Variants in ITSN1 observed in about 807,000 individuals in gnomAD.
ITSN1 encodes intersectin-1.
A neutral mutation model predicts 239.8 loss-of-function variants in ITSN1; 58 were observed. The observed-to-expected ratio is 0.24, with a 90% CI of 0.20 to 0.30. ITSN1 has a LOEUF of 0.30. Among genes scored for constraint, ITSN1 ranks in the 10% least tolerant of loss-of-function variants. The pLI is 1.00. For missense variants in ITSN1, 1,558 were observed against 2,103.3 expected (o/e 0.74, Z 5.07); for synonymous variants, 780 against 770.8 (o/e 1.01, Z -0.20).
intron 1 of ITSN1, among the ~76,000 whole-genome samples, chr21:33,686,034 A>G (rs940610276): frequency 3.3e-5 from 5 of 152,200 alleles, no homozygotes; most frequent in Non-Finnish European, 7.3e-5. Flanking sequence ...GTTCACATTT[A>G]TATTTTGCTT....
rs1006817179 is a variant in ITSN1, at chr21:33,819,389, A to C, written c.3016+66A>C. On this transcript the variant is annotated intron_variant, in intron 24 of 39. Coordinates refer to ENST00000381318, the MANE Select transcript of ITSN1 (RefSeq NM_003024.3). ...GGACATTGTGTAAATGTTTGAAATG[A>C]GATTGAATTTCATCTTAAGATAGAC... The C allele has an allele frequency of 1.1e-4, 128 of 1,159,620 alleles. 1 individual carries two copies. Among genetic ancestry groups the C allele is most frequent in the Non-Finnish European group, 1.6e-4 (124 of 778,226 alleles). 71.8% of individuals were successfully genotyped at this position (1,159,620 alleles called of 1,614,324 possible). A position where few individuals can be genotyped will look rare whatever the true frequency, so the allele number is the denominator to read the frequency against.
At chr21:33,710,245 AT>A (rs1196958790) in intron 1 of ITSN1, among the ~76,000 whole-genome samples, 1 of 151,578 alleles carries the variant, frequency 6.6e-6, no homozygotes. Flanking sequence ...CGCCTGGCTA[AT>A]TTTTTGTATT....
At chr21:33,854,153 C>T (rs924291994) in intron 29 of ITSN1, among the ~76,000 whole-genome samples, 3 of 152,236 alleles carry the variant, frequency 2.0e-5, no homozygotes, top group Admixed American at 6.5e-5. Flanking sequence ...CACATGTATT[C>T]GCTGCAGCAA....
chr21:33,672,734 A>G (rs113861883), intron 1 of ITSN1, among the ~76,000 whole-genome samples: 2 of 149,362 alleles, frequency 1.3e-5, no homozygotes, highest in Admixed American at 6.7e-5. Context: ...TTTTTTTGAG[A>G]CGGAGTCTCC....
rs2071845261 is a variant in ITSN1, at chr21:33,799,857, T to C, written c.2232T>C (p.Tyr744=). ...CACAGGAAAATGTAAAAGTGGTGTATTACCGGGCACTGTACCCCTTTGAAT... is the reference window on the plus strand; with the variant it reads ...CACAGGAAAATGTAAAAGTGGTGTACTACCGGGCACTGTACCCCTTTGAAT... ...ISAQENVKVV[Y]YRALYPFESR... The change falls in exon 19 of 40, where the codon TAT becomes TAC. Residue 744 remains tyrosine, a synonymous_variant. Coordinates refer to ENST00000381318, the MANE Select transcript of ITSN1 (RefSeq NM_003024.3). The C allele has an allele frequency of 4.3e-6, 7 of 1,613,888 alleles. No homozygotes were observed. In the Admixed American group the frequency reaches 1.0e-4, roughly 23 times the overall value.
chr21:33,684,098 T>C (rs1369874345), intron 1 of ITSN1, among the ~76,000 whole-genome samples: 1 of 152,214 alleles, frequency 6.6e-6, no homozygotes, highest in Non-Finnish European at 1.5e-5. Context: ...ATTTTTCCTG[T>C]TCCATTAAAG....
At chr21:33,837,586 G>A (rs2074665784) in intron 29 of ITSN1, 1 of 985,896 alleles carries the variant, frequency 1.0e-6, no homozygotes, top group Non-Finnish European at 1.2e-6. Context: ...CGTATAGAAT[G>A]AGCCCAATTA....
intron 39 of ITSN1, among the ~76,000 whole-genome samples, chr21:33,886,944 C>T (rs560431957): frequency 6.6e-6 from 1 of 152,102 alleles, no homozygotes; most frequent in African/African-American, 2.4e-5. Context: ...CTTCAGCCAG[C>T]CTTCTGTTTC....
Position 33,865,206 on chromosome 21 carries a change from GGA to G in ITSN1, c.3949_3950del (p.Asp1317HisfsTer32). The G allele has an allele frequency of 6.2e-7, 1 of 1,614,030 alleles. No homozygotes were observed. Among genetic ancestry groups the G allele is most frequent in the Non-Finnish European group, 8.5e-7 (1 of 1,179,976 alleles). ...GGAGAAGATGCCTGTGAAGATGATTGGAGACATCCTGAGCGCACAGCTGCCGC... is the reference window on the plus strand; with the variant it reads ...GGAGAAGATGCCTGTGAAGATGATTGGACATCCTGAGCGCACAGCTGCCGC... ...SGEKMPVKMIGDILSAQLPHM... is the reference protein window; with the variant it reads ...SGEKMPVKMIXDILSAQLPHM... On this transcript the variant is annotated frameshift_variant, in exon 32 of 40. Coordinates refer to ENST00000381318, the MANE Select transcript of ITSN1 (RefSeq NM_003024.3). LOFTEE classifies it high-confidence loss of function. This position sits in a 1 kb window ranked among gnomAD's most constrained non-coding sequence, Gnocchi z 4.4.
intron 1 of ITSN1, among the ~76,000 whole-genome samples, chr21:33,647,457 C>T (rs2088072801): frequency 6.6e-6 from 1 of 151,556 alleles, no homozygotes; most frequent in Non-Finnish European, 1.5e-5. Context: ...TTTTAGTAAC[C>T]AAATAATATT....
intron 11 of ITSN1, among the ~76,000 whole-genome samples, chr21:33,768,802 T>C (rs147142184): frequency 2.0e-5 from 3 of 152,362 alleles, no homozygotes; most frequent in African/African-American, 7.2e-5. Context: ...TCCCAGTTTA[T>C]TGTCTAAACT....
chr21:33,714,238 TG>T (rs2092503846), intron 1 of ITSN1, among the ~76,000 whole-genome samples: 1 of 152,246 alleles, frequency 6.6e-6, no homozygotes, highest in South Asian at 2.1e-4. Flanking sequence ...GTAGATTCCT[TG>T]TTCACATCCA....
chr21:33,819,270 C>T lies in ITSN1; in HGVS notation c.2963C>T (p.Ala988Val). 2 of 1,613,926 alleles carry T rather than the reference C, an allele frequency of 1.2e-6. No homozygotes were observed. Among genetic ancestry groups the T allele is most frequent in the South Asian group, 2.2e-5 (2 of 91,066 alleles). Residue 988 changes from alanine (A) to valine (V), a missense_variant, in exon 24 of 40, where the codon GCT becomes GTT. Physicochemically the swap from Ala to Val is moderately conservative, Grantham distance 64 (BLOSUM62 0). Transcript: ENST00000381318. ...GATTCTGGTTCTTCAGAGAGTCCTG[C>T]TAGTCTAAAGCGAGTAGCCTCTCCA... Reference protein sequence around the residue: ...SMDSGSSESPASLKRVASPAA... With the variant: ...SMDSGSSESPVSLKRVASPAA...
intron 16 of ITSN1, among the ~76,000 whole-genome samples, chr21:33,784,289 G>A (rs574935214): frequency 1.5e-5 from 2 of 131,688 alleles, no homozygotes; most frequent in Admixed American, 8.4e-5. Flanking sequence ...TGGGCAAAAG[G>A]GTGAAGCCCT....
At chr21:33,724,246 C>T (rs1007731703) in intron 4 of ITSN1, among the ~76,000 whole-genome samples, 1 of 152,140 alleles carries the variant, frequency 6.6e-6, no homozygotes, top group African/African-American at 2.4e-5. Context: ...AGTGTGCTTG[C>T]TCCTCTGAAG....
rs896921488 is a variant in ITSN1 at position 33,895,647 on chromosome 21, GTA to G, written c.*7349_*7350del. The G allele has an allele frequency of 6.6e-6, 1 of 150,986 alleles. No individual in the cohort carries two copies. Among genetic ancestry groups the G allele is most frequent in the Non-Finnish European group, 1.5e-5 (1 of 67,862 alleles). The allele number at this position is 150,986 out of a possible 1,614,324, so 9.4% of individuals were successfully genotyped here. A position where few individuals can be genotyped will look rare whatever the true frequency, so the allele number is the denominator to read the frequency against. ...TGTGTGTGTGCGTGTGTGTGCGTGTGTATGTGCGTGTATGCATGTGCATGTTT... is the reference window on the plus strand; with the variant it reads ...TGTGTGTGTGCGTGTGTGTGCGTGTGTGTGCGTGTATGCATGTGCATGTTT... On this transcript the variant is annotated 3_prime_UTR_variant, in exon 40 of 40. Coordinates refer to ENST00000381318, the MANE Select transcript of ITSN1 (RefSeq NM_003024.3).
chr21:33,759,012 T>C (rs904968387), intron 8 of ITSN1, among the ~76,000 whole-genome samples: 2 of 152,256 alleles, frequency 1.3e-5, no homozygotes, highest in Admixed American at 6.5e-5. Context: ...TTAGGACATA[T>C]GTAGACAAAT....
In ITSN1 at chr21:33,650,982, GTAGCGGGGTTACCAGGATGT is replaced by G. The variant is rs543871399; in HGVS notation, c.-33+8274_-33+8293del. ...AATGATTACAGGAGGAAGAAACTTG[GTAGCGGGGTTACCAGGATGT>G]TAGCTCCATGAGGGCAGGGAGTGTA... On this transcript the variant is annotated intron_variant, in intron 1 of 39. Transcript: ENST00000381318. 1.8e-3 allele frequency among the ~76,000 whole-genome samples: 270 copies of G among 152,378 alleles called. 2 individuals carry two copies. The highest frequency in any genetic ancestry group is 6.4e-3 in the African/African-American group (266 of 41,592).
chr21:33,875,955 C>T (rs1322113104), intron 34 of ITSN1, among the ~76,000 whole-genome samples: 1 of 152,174 alleles, frequency 6.6e-6, no homozygotes, highest in Non-Finnish European at 1.5e-5. Flanking sequence ...GCTGGGATTA[C>T]AGGCATGAGC....
Sources: gnomAD v4.1 joint callset for allele counts (sites outside exome capture counted in the v4.1 genomes callset) on GRCh38, gnomAD v4.1.1 for gene constraint, Gnocchi (gnomAD v3.1) non-coding constraint, MANE v1.5 for transcripts, NCBI Gene and HGNC (gene_info 2026-07-23, HGNC 2026-07-21) for gene names.